The following ETNK1 variants were observed in gnomAD, a reference collection of about 807,000 sequenced individuals.
ETNK1 encodes the protein ethanolamine kinase 1.
Under a neutral mutation model 45.1 loss-of-function variants are expected in ETNK1, and 8 were observed. The ratio of observed to expected loss-of-function variants is 0.18; its 90% CI spans 0.10 to 0.32. ETNK1 has a LOEUF of 0.32. Ranked by LOEUF, ETNK1 falls within the 10% of genes least tolerant of loss-of-function variation. ETNK1 has a pLI of 1.00. For missense variants in ETNK1, 302 were observed against 430.6 expected, an observed-to-expected ratio of 0.70 and a Z score of 2.64; for synonymous variants, 152 against 151.9, an observed-to-expected ratio of 1.00 and a Z score of -0.01.
chr12:22,672,906 T>G (rs989064387), intron 5 of ETNK1, among the ~76,000 whole-genome samples: 12 of 152,242 alleles, frequency 7.9e-5, no homozygotes, highest in Non-Finnish European at 1.6e-4. Context: ...GACTTTTTTG[T>G]TTGCAAGGAA....
At chr12:22,660,034 T>TAAAAAAAAAAAAAA (rs371874842) in intron 3 of ETNK1, among the ~76,000 whole-genome samples, 6 of 122,580 alleles carry the variant, frequency 4.9e-5, no homozygotes, top group Non-Finnish European at 7.0e-5. Flanking sequence ...ACACTACCTT[T>TAAAAAAAAAAAAAA]AAAAAAAAAA....
chr12:22,671,771 A>G (rs1013466986), intron 5 of ETNK1, among the ~76,000 whole-genome samples: 1 of 149,714 alleles, frequency 6.7e-6, no homozygotes, highest in Non-Finnish European at 1.5e-5. Context: ...CCCGGGAGGC[A>G]GAGTTTGCAG....
At chr12:22,678,986 G>A (rs1225468656) in intron 6 of ETNK1, among the ~76,000 whole-genome samples, 1 of 152,222 alleles carries the variant, frequency 6.6e-6, no homozygotes, top group African/African-American at 2.4e-5. Context: ...TTCCCAAGAG[G>A]GGAAGGAGTT....
chr12:22,625,175 C>A lies in ETNK1; in HGVS notation c.-256C>A, dbSNP rs752916034. 1 of 1,596,548 alleles carries A rather than the reference C, an allele frequency of 6.3e-7. No individual in the cohort carries two copies. Among genetic ancestry groups the A allele is most frequent in the Non-Finnish European group, 8.5e-7 (1 of 1,170,574 alleles). On this transcript the variant is annotated 5_prime_UTR_variant, in exon 1 of 8. Coordinates refer to ENST00000266517, the MANE Select transcript of ETNK1 (RefSeq NM_018638.5). ...AGGCCAGCCCCGGCATGCTCTGCGG[C>A]CGCCCGCGGTCCAGCTCCGACAACA...
In ETNK1 at chr12:22,643,910, G is replaced by A. The variant is rs1403141841; in HGVS notation, c.304G>A (p.Ala102Thr). The stretch of plus-strand genomic sequence containing the variant: ...AGTAAAGAGTTTTCGAGTGTTGCAG[G>A]CTCATGGGTGTGCACCACAACTCTA... The part of the protein sequence containing the change: ...EEVKSFRVLQ[A>T]HGCAPQLYCT... Residue 102 changes from alanine to threonine, a missense_variant, in exon 2 of 8, where the codon GCT becomes ACT. Transcript: ENST00000266517. 1 of 1,613,306 alleles carries A rather than the reference G, an allele frequency of 6.2e-7. No homozygotes were observed. Among genetic ancestry groups the A allele is most frequent in the African/African-American group, 1.3e-5 (1 of 74,818 alleles).
intron 2 of ETNK1, among the ~76,000 whole-genome samples, chr12:22,650,614 C>T (rs1953862575): frequency 6.6e-6 from 1 of 151,732 alleles, no homozygotes; most frequent in Non-Finnish European, 1.5e-5. Context: ...GCCTTGTATA[C>T]CTGAGATAAT....
chr12:22,672,550 A>G (rs886281043), intron 5 of ETNK1, among the ~76,000 whole-genome samples: 1 of 152,210 alleles, frequency 6.6e-6, no homozygotes, highest in South Asian at 2.1e-4. Flanking sequence ...CATATAATAA[A>G]ATATTAACAT....
At chr12:22,644,966 A>G (rs938513781) in intron 2 of ETNK1, among the ~76,000 whole-genome samples, 1 of 151,996 alleles carries the variant, frequency 6.6e-6, no homozygotes, top group Non-Finnish European at 1.5e-5. Context: ...AGTAACACTT[A>G]TCTATTGTAA....
chr12:22,635,679 G>A lies in ETNK1; in HGVS notation c.157-8084G>A, dbSNP rs149187913. Among the ~76,000 whole-genome samples the A allele has an allele frequency of 2.4e-3, 369 of 152,174 alleles. 2 individuals carry two copies. Among genetic ancestry groups the A allele is most frequent in the African/African-American group, 8.1e-3 (335 of 41,508 alleles). On this transcript the variant is annotated intron_variant, in intron 1 of 7. Transcript: ENST00000266517. ...TATGTATTTGATTCATTTCCAATGA[G>A]TTGATGCATATTTAATTTTTTAAAA...
rs561350038 is a variant in ETNK1, at chr12:22,665,220, G to A, written c.700+4015G>A. Among the ~76,000 whole-genome samples the A allele has an allele frequency of 3.9e-5, 6 of 152,168 alleles. 1 individual carries two copies. The East Asian group carries it at 1.2e-3, about 29-fold the overall frequency. On this transcript the variant is annotated intron_variant, in intron 4 of 7. Transcript: ENST00000266517. The stretch of plus-strand genomic sequence containing the variant: ...TTATGTCTTTATGTAAACACAGACT[G>A]TTCTTGACAGTTTACATCAGAATCA...
At chr12:22,658,920 G>T in intron 2 of ETNK1, 94 bp from the exon 3 acceptor site, 1 of 1,315,498 alleles carries the variant, frequency 7.6e-7, no homozygotes, top group East Asian at 2.3e-5. Flanking sequence ...GAAGATTCGG[G>T]AGACTGACTA....
chr12:22,679,340 TG>T (rs1259272224), intron 6 of ETNK1, among the ~76,000 whole-genome samples: 2 of 152,096 alleles, frequency 1.3e-5, no homozygotes, highest in Non-Finnish European at 2.9e-5. Flanking sequence ...GCATCCAACA[TG>T]GGGAAAAAGA....
chr12:22,665,298 T>C (rs1172937276), intron 4 of ETNK1, among the ~76,000 whole-genome samples: 2 of 152,158 alleles, frequency 1.3e-5, no homozygotes, highest in Non-Finnish European at 2.9e-5. Flanking sequence ...CATGACCAAT[T>C]ACAAAATAAT....
intron 4 of ETNK1, among the ~76,000 whole-genome samples, chr12:22,667,731 A>G (rs878960848): frequency 6.6e-6 from 1 of 152,140 alleles, no homozygotes; most frequent in Admixed American, 6.6e-5. Flanking sequence ...CATATTGACT[A>G]TTTTGCTTTT....
At chr12:22,660,659 A>C (rs1953990503) in intron 3 of ETNK1, among the ~76,000 whole-genome samples, 1 of 152,138 alleles carries the variant, frequency 6.6e-6, no homozygotes, top group African/African-American at 2.4e-5. Context: ...AATTTTTAAA[A>C]TAATTTTTGT....
intron 1 of ETNK1, among the ~76,000 whole-genome samples, chr12:22,636,512 C>T (rs1248912040): frequency 6.6e-6 from 1 of 151,904 alleles, no homozygotes; most frequent in African/African-American, 2.4e-5. Context: ...AAATGTCCCT[C>T]CTTATCTTTA....
chr12:22,635,121 C>A (rs1018504984), intron 1 of ETNK1, among the ~76,000 whole-genome samples: 1 of 152,218 alleles, frequency 6.6e-6, no homozygotes, highest in Non-Finnish European at 1.5e-5. Context: ...GGGCCTTGGG[C>A]CTGAAACACT....
chr12:22,656,626 A>T, intron 2 of ETNK1: 1 of 985,434 alleles, frequency 1.0e-6, no homozygotes, highest in Non-Finnish European at 1.2e-6. Flanking sequence ...TTCTGAATCC[A>T]GCATGGAGCA....
intron 6 of ETNK1, among the ~76,000 whole-genome samples, chr12:22,676,750 T>C (rs1207580206): frequency 6.6e-6 from 1 of 152,222 alleles, no homozygotes; most frequent in East Asian, 1.9e-4. Context: ...GATTTGCATT[T>C]CTCTAATGAC....
Sources: allele counts gnomAD v4.1 joint callset (sites outside exome capture counted in the v4.1 genomes callset), GRCh38; gene constraint gnomAD v4.1.1; transcripts MANE v1.5; gene names NCBI Gene and HGNC (gene_info 2026-07-23, HGNC 2026-07-21).